The following CLPX variants were observed in gnomAD, a reference collection of about 807,000 sequenced individuals.
The protein encoded by CLPX is caseinolytic mitochondrial matrix peptidase chaperone subunit X.
Under a neutral mutation model 76.4 loss-of-function variants are expected in CLPX, and 34 were observed. The observed-to-expected ratio is 0.45, with a 90% CI of 0.34 to 0.59. CLPX has a LOEUF of 0.59. Ranked by LOEUF, CLPX falls within the 20% of genes least tolerant of loss-of-function variation. The pLI is 0.01. For synonymous variants in CLPX, 248 were observed against 270.9 expected (o/e 0.92, Z 0.83); for missense variants, 613 against 757.0 (o/e 0.81, Z 2.23).
chr15:65,159,330 G>A (rs1156939462), intron 6 of CLPX, among the ~76,000 whole-genome samples: 1 of 152,170 alleles, frequency 6.6e-6, no homozygotes, highest in African/African-American at 2.4e-5. Context: ...TGCTAGTGAG[G>A]TTATCAGTTT....
At chr15:65,176,342 G>C (rs1414276027) in intron 3 of CLPX, among the ~76,000 whole-genome samples, 5 of 152,152 alleles carry the variant, frequency 3.3e-5, no homozygotes, top group African/African-American at 1.2e-4. Flanking sequence ...AGAGGAGCTA[G>C]TTTACTCCTA....
intron 3 of CLPX, among the ~76,000 whole-genome samples, chr15:65,176,666 G>A (rs2088095361): frequency 6.6e-6 from 1 of 150,414 alleles, no homozygotes; most frequent in Non-Finnish European, 1.5e-5. Context: ...TGTGATCTCG[G>A]CTCACTGCAG....
At chr15:65,160,219 C>T (rs2087836397) in intron 6 of CLPX, among the ~76,000 whole-genome samples, 1 of 152,128 alleles carries the variant, frequency 6.6e-6, no homozygotes, top group Non-Finnish European at 1.5e-5. Context: ...TTATCATAGT[C>T]CTATTCCATC....
At chr15:65,168,140 A>G (rs1195991311) in intron 3 of CLPX, among the ~76,000 whole-genome samples, 1 of 151,736 alleles carries the variant, frequency 6.6e-6, no homozygotes, top group Non-Finnish European at 1.5e-5. Flanking sequence ...CTGTAATCCC[A>G]GCACTTTGGG....
intron 3 of CLPX, 90 bp from the exon 4 acceptor site, chr15:65,166,875 C>A (rs74876076): frequency 2.2e-5 from 28 of 1,284,688 alleles, no homozygotes; most frequent in Non-Finnish European, 2.9e-5. Context: ...ATGAAAGCTA[C>A]GCACCTGACA....
intron 11 of CLPX, 120 bp downstream of exon 11, chr15:65,154,662 G>T (rs2087764588): frequency 2.9e-6 from 2 of 688,034 alleles, no homozygotes; most frequent in Admixed American, 6.0e-5. Context: ...TCCATATTTA[G>T]TAAGGAATAG....
At chr15:65,174,390 A>T (rs886725106) in intron 3 of CLPX, among the ~76,000 whole-genome samples, 7 of 151,574 alleles carry the variant, frequency 4.6e-5, no homozygotes, top group African/African-American at 1.7e-4. Context: ...TCAGCCTCCC[A>T]AGTAGCTGGG....
At chr15:65,157,973 A>G in intron 7 of CLPX, 63 bp from the exon 8 acceptor site, 3 of 1,395,562 alleles carry the variant, frequency 2.1e-6, no homozygotes, top group Non-Finnish European at 2.9e-6. Context: ...TTTTTCAATA[A>G]AAATGCAAAA....
chr15:65,174,430 A>G (rs1024890842), intron 3 of CLPX, among the ~76,000 whole-genome samples: 5 of 151,120 alleles, frequency 3.3e-5, no homozygotes, highest in African/African-American at 1.2e-4. Flanking sequence ...AAGCCTGGCT[A>G]ATTTTTGTGT....
At position 65,166,772 on chromosome 15, in the gene CLPX, A is replaced by T; in HGVS notation, c.372T>A (p.Phe124Leu). The change falls in exon 4 of 14, where the codon TTT becomes TTA. Residue 124 changes from phenylalanine (F) to leucine (L), a missense_variant. Coordinates refer to ENST00000300107, the MANE Select transcript of CLPX (RefSeq NM_006660.5). ...AATGATGACACTTTTCACACTTGAC[A>T]AAACGGGTGGATGCTGTAAAAGAAA... is the stretch of plus-strand genomic sequence containing the variant. ...HVETFVSSTR[F>L]VKCEKCHHFF... is the part of the protein sequence containing the mutation. 1 of 1,613,056 alleles carries T rather than the reference A, an allele frequency of 6.2e-7. No homozygotes were observed. Among genetic ancestry groups the T allele is most frequent in the Non-Finnish European group, 8.5e-7 (1 of 1,179,668 alleles).
intron 10 of CLPX, 78 bp downstream of exon 10, chr15:65,155,614 G>C: frequency 1.7e-6 from 2 of 1,188,626 alleles, no homozygotes; most frequent in South Asian, 2.8e-5. Flanking sequence ...CTGGTAGCCC[G>C]CAGATATGAG....
At chr15:65,163,988 G>A (rs1230472107) in intron 5 of CLPX, 41 bp downstream of exon 5, 3 of 1,535,858 alleles carry the variant, frequency 2.0e-6, no homozygotes, top group African/African-American at 1.4e-5. Context: ...TTACTTTTAA[G>A]CATAGCAATC....
chr15:65,156,950 T>C lies in CLPX; in HGVS notation c.1058-18A>G, dbSNP rs376975469. The C allele has an allele frequency of 6.5e-7, 1 of 1,541,264 alleles. No homozygotes were observed. The highest frequency in any genetic ancestry group is 8.9e-7 in the Non-Finnish European group (1 of 1,118,390). On this transcript the variant is annotated intron_variant, in intron 8 of 13. Transcript: ENST00000300107. ...GACAATTCCTATAATTTAAGGAGGA[T>C]TCTATTTATAATACGAAAAAGATAT...
At chr15:65,153,701 A>C (rs2087753478) in intron 11 of CLPX, 62 bp from the exon 12 acceptor site, 1 of 979,866 alleles carries the variant, frequency 1.0e-6, no homozygotes, top group Non-Finnish European at 1.5e-6. Flanking sequence ...CAGAAAATGT[A>C]CCATTAAGTG....
At chr15:65,162,727 A>C in intron 5 of CLPX, 82 bp from the exon 6 acceptor site, 1 of 723,146 alleles carries the variant, frequency 1.4e-6, no homozygotes, top group Non-Finnish European at 2.4e-6. Flanking sequence ...GTCCTCTTTC[A>C]AATATATTTA....
intron 3 of CLPX, among the ~76,000 whole-genome samples, chr15:65,167,706 T>C (rs953514264): frequency 1.4e-5 from 2 of 146,654 alleles, no homozygotes; most frequent in Non-Finnish European, 3.0e-5. Flanking sequence ...TGAAACCCCG[T>C]CTCTACTAAA....
intron 1 of CLPX, among the ~76,000 whole-genome samples, chr15:65,182,414 C>T (rs1430783145): frequency 1.3e-5 from 2 of 152,000 alleles, no homozygotes; most frequent in Non-Finnish European, 2.9e-5. Flanking sequence ...TTAAAATATG[C>T]CTCTTTATTA....
rs370100483 is a variant in CLPX, at chr15:65,154,304, GAGA to G, written c.1611+475_1611+477del. Among the ~76,000 whole-genome samples, 594 of 152,302 alleles carry G rather than the reference GAGA, an allele frequency of 3.9e-3. 4 individuals carry two copies. Among genetic ancestry groups the G allele is most frequent in the African/African-American group, 0.014 (573 of 41,554 alleles). ...GGCTTGACTTGAGGCAGTGGCAACGGAGAAGAAGAGACTGATATTTAGAGACAC... is the reference window on the plus strand; with the variant it reads ...GGCTTGACTTGAGGCAGTGGCAACGGAGAAGAGACTGATATTTAGAGACAC... On this transcript the variant is annotated intron_variant, in intron 11 of 13. Transcript: ENST00000300107.
At chr15:65,155,416 A>ATT (rs1283791657) in intron 10 of CLPX, among the ~76,000 whole-genome samples, 4 of 152,002 alleles carry the variant, frequency 2.6e-5, no homozygotes, top group Non-Finnish European at 4.4e-5. Context: ...CTCCTGGCTA[A>ATT]TTTTTTGTAT....
Sources: allele counts gnomAD v4.1 joint callset (sites outside exome capture counted in the v4.1 genomes callset), GRCh38; gene constraint gnomAD v4.1.1; transcripts MANE v1.5; gene names NCBI Gene and HGNC (gene_info 2026-07-23, HGNC 2026-07-21).